CLEC1A: variants seen among roughly 807,000 people sequenced by gnomAD.
The protein encoded by CLEC1A is C-type lectin domain family 1 member A.
CLEC1A carries 34 observed loss-of-function variants against 28.7 expected under a neutral mutation model. The observed-to-expected ratio is 1.18, with a 90% CI of 0.90 to 1.57. The LOEUF is 1.57. Ranked by LOEUF, CLEC1A falls within the 40% of genes most tolerant of loss-of-function variation. The pLI, the probability that CLEC1A is intolerant of heterozygous loss-of-function variation, is 0.00. For missense variants in CLEC1A, 385 were observed against 339.5 expected (o/e 1.13, Z -1.05); for synonymous variants, 116 against 121.0 (o/e 0.96, Z 0.27).
At chr12:10,087,626 G>C (rs752385945) in intron 2 of CLEC1A, among the ~76,000 whole-genome samples, 5 of 148,754 alleles carry the variant, frequency 3.4e-5, no homozygotes, top group Non-Finnish European at 4.5e-5. Flanking sequence ...GGGTTCAAGC[G>C]GTTCTCCTGC....
intron 2 of CLEC1A, among the ~76,000 whole-genome samples, chr12:10,087,475 TATATA>T (rs1866521581): frequency 5.0e-3 from 7 of 1,412 alleles, no homozygotes; most frequent in Admixed American, 0.019. Context: ...CTCAAAGTTA[TATATA>T]TATATATATA....
chr12:10,081,989 T>G (rs960749783), intron 2 of CLEC1A, among the ~76,000 whole-genome samples: 1 of 152,144 alleles, frequency 6.6e-6, no homozygotes, highest in Non-Finnish European at 1.5e-5. Flanking sequence ...GAAAGAGTCC[T>G]GTAGGCACTC....
intron 1 of CLEC1A, among the ~76,000 whole-genome samples, chr12:10,096,248 G>A (rs982598438): frequency 6.6e-6 from 1 of 152,034 alleles, no homozygotes; most frequent in African/African-American, 2.4e-5. Flanking sequence ...TATAGTTTCT[G>A]TCTCAGTTAA....
At chr12:10,076,545 C>G (rs1250720368) in intron 3 of CLEC1A, among the ~76,000 whole-genome samples, 1 of 152,042 alleles carries the variant, frequency 6.6e-6, no homozygotes, top group Non-Finnish European at 1.5e-5. Flanking sequence ...CTGTGGAGCT[C>G]AATAGCTTTT....
At position 10,078,286 on chromosome 12, in the gene CLEC1A, G is replaced by A. The variant is rs560220298; in HGVS notation, c.392-2631C>T. Among the ~76,000 whole-genome samples the A allele has an allele frequency of 4.6e-5, 7 of 152,268 alleles. 2 individuals carry two copies. Among genetic ancestry groups the A allele is most frequent in the African/African-American group, 1.7e-4 (7 of 41,546 alleles). ...ATCTCTCACAAAGGCACCTAATGCT[G>A]TACATTATCTCTACCTAGCCTCCTG... On this transcript the variant is annotated intron_variant, in intron 3 of 5. Coordinates refer to ENST00000315330, the MANE Select transcript of CLEC1A (RefSeq NM_016511.4).
intron 1 of CLEC1A, among the ~76,000 whole-genome samples, chr12:10,089,874 G>A (rs1866577062): frequency 6.6e-6 from 1 of 152,116 alleles, no homozygotes; most frequent in African/African-American, 2.4e-5. Flanking sequence ...TCAGAAAGAT[G>A]AATCTAAACT....
chr12:10,074,636 C>T (rs1242684588), intron 4 of CLEC1A, among the ~76,000 whole-genome samples: 3 of 152,222 alleles, frequency 2.0e-5, no homozygotes, highest in South Asian at 2.1e-4. Context: ...GGCACACTGT[C>T]TTAGTCAAAG....
chr12:10,080,171 G>C (rs1236143090), intron 3 of CLEC1A, among the ~76,000 whole-genome samples: 3 of 151,980 alleles, frequency 2.0e-5, no homozygotes, highest in African/African-American at 4.8e-5. Flanking sequence ...AAATTAGCTG[G>C]GTGCAGTGGT....
chr12:10,094,283 A>C (rs1445609807), intron 1 of CLEC1A, among the ~76,000 whole-genome samples: 5 of 152,016 alleles, frequency 3.3e-5, no homozygotes, highest in Non-Finnish European at 7.4e-5. Flanking sequence ...AACACCCCCT[A>C]TAAGGTAGAT....
At chr12:10,079,913 C>T (rs960635818) in intron 3 of CLEC1A, among the ~76,000 whole-genome samples, 12 of 152,172 alleles carry the variant, frequency 7.9e-5, no homozygotes, top group African/African-American at 2.4e-4. Flanking sequence ...TTGATCTCCT[C>T]AGCTCAATCT....
At chr12:10,074,072 G>A (rs531755330) in intron 4 of CLEC1A, among the ~76,000 whole-genome samples, 3 of 152,162 alleles carry the variant, frequency 2.0e-5, no homozygotes, top group East Asian at 3.9e-4. Context: ...GAGGATTGGT[G>A]GCGACAGGGT....
At chr12:10,085,109 G>C (rs2137354018) in intron 2 of CLEC1A, among the ~76,000 whole-genome samples, 1 of 149,714 alleles carries the variant, frequency 6.7e-6, no homozygotes, top group East Asian at 2.0e-4. Context: ...AATGCTAAAA[G>C]GAGTGCTAAA....
chr12:10,084,375 A>C (rs1300240087), intron 2 of CLEC1A: 1 of 152,212 alleles, frequency 6.6e-6, no homozygotes, highest in Non-Finnish European at 1.5e-5. Flanking sequence ...GGTCAAGGGT[A>C]TATGTGTAGC....
chr12:10,088,952 T>A (rs1178899045), intron 2 of CLEC1A, among the ~76,000 whole-genome samples, 172 bp downstream of exon 2: 11 of 151,788 alleles, frequency 7.2e-5, no homozygotes, highest in African/African-American at 2.7e-4. Flanking sequence ...ATTTTTTTTT[T>A]ACTTCTTCTT....
chr12:10,090,974 C>T (rs1278865374), intron 1 of CLEC1A, among the ~76,000 whole-genome samples: 1 of 152,176 alleles, frequency 6.6e-6, no homozygotes, highest in South Asian at 2.1e-4. Flanking sequence ...CTCACATGTA[C>T]TCCTCACAAC....
At chr12:10,080,596 A>G (rs935381846) in intron 3 of CLEC1A, among the ~76,000 whole-genome samples, 28 of 152,342 alleles carry the variant, frequency 1.8e-4, no homozygotes, top group African/African-American at 6.7e-4. Context: ...TAAAGAGAGC[A>G]GAAGAGAGAG....
chr12:10,089,071 C>T (rs775053265), intron 2 of CLEC1A, 53 bp downstream of exon 2: 4 of 1,360,268 alleles, frequency 2.9e-6, no homozygotes, highest in Non-Finnish European at 4.2e-6. Context: ...TGTTTCTCAT[C>T]CTAGACAAAC....
chr12:10,075,414 G>A, intron 4 of CLEC1A, 90 bp downstream of exon 4: 19 of 1,384,198 alleles, frequency 1.4e-5, no homozygotes, highest in South Asian at 2.7e-5. Flanking sequence ...CCTGTGGACC[G>A]ATATTCTTGA....
At chr12:10,075,381 C>G in intron 4 of CLEC1A, 123 bp downstream of exon 4, 1 of 959,820 alleles carries the variant, frequency 1.0e-6, no homozygotes, top group Non-Finnish European at 1.6e-6. Context: ...AGACTCAGGC[C>G]CTGATCGAAA....
Sources: gnomAD v4.1 joint callset for allele counts (sites outside exome capture counted in the v4.1 genomes callset) on GRCh38, gnomAD v4.1.1 for gene constraint, MANE v1.5 for transcripts, NCBI Gene and HGNC (gene_info 2026-07-23, HGNC 2026-07-21) for gene names.